GPC6: variants seen among roughly 807,000 people sequenced by gnomAD.
The protein encoded by GPC6 is glypican-6.
In GPC6, 14 loss-of-function variants were observed where a neutral mutation model predicts 55.2. The observed-to-expected ratio is 0.25, with a 90% confidence interval of 0.17 to 0.40. GPC6 has a LOEUF of 0.40. GPC6 is among the 10% of genes least tolerant of loss of function. GPC6 has a pLI of 1.00. For synonymous variants in GPC6, 278 were observed against 259.6 expected, an observed-to-expected ratio of 1.07 and a Z score of -0.68; for missense variants, 641 against 708.5, an observed-to-expected ratio of 0.90 and a Z score of 1.08.
chr13:94,327,969 T>C (rs1877211157), intron 6 of GPC6, among the ~76,000 whole-genome samples: 1 of 151,914 alleles, frequency 6.6e-6, no homozygotes, highest in African/African-American at 2.4e-5. Context: ...TCCTCCCCCT[T>C]CCCCTCCGAT....
intron 2 of GPC6, among the ~76,000 whole-genome samples, chr13:93,807,957 AT>A (rs1385444715): frequency 6.6e-6 from 1 of 152,204 alleles, no homozygotes; most frequent in Non-Finnish European, 1.5e-5. Context: ...TTAAGGAATT[AT>A]AATTTTGTTT....
chr13:94,302,921 G>T (rs1345520220), intron 5 of GPC6, among the ~76,000 whole-genome samples: 1 of 152,246 alleles, frequency 6.6e-6, no homozygotes, highest in African/African-American at 2.4e-5. Context: ...CTAGTGCTTA[G>T]CTGAATTAGG....
At chr13:93,662,444 A>G (rs1880962408) in intron 2 of GPC6, among the ~76,000 whole-genome samples, 1 of 152,170 alleles carries the variant, frequency 6.6e-6, no homozygotes, top group Non-Finnish European at 1.5e-5. Context: ...AGCCTGGCCA[A>G]CATGGTGAAA....
chr13:93,440,877 A>C (rs1877770198), intron 1 of GPC6, among the ~76,000 whole-genome samples: 2 of 125,270 alleles, frequency 1.6e-5, no homozygotes. Context: ...CCAGTGTGTG[A>C]TGTTCCCCAC....
chr13:93,808,446 C>G (rs1886601378), intron 2 of GPC6, among the ~76,000 whole-genome samples: 1 of 152,170 alleles, frequency 6.6e-6, no homozygotes, highest in South Asian at 2.1e-4. Context: ...TAACTCCTCT[C>G]TCTATATGAG....
At chr13:93,402,116 T>G (rs185680948) in intron 1 of GPC6, among the ~76,000 whole-genome samples, 1 of 152,288 alleles carries the variant, frequency 6.6e-6, no homozygotes, top group African/African-American at 2.4e-5. Flanking sequence ...TTTCTAGTGC[T>G]TAAAATCCAT....
At chr13:93,277,958 A>C (rs1877813819) in intron 1 of GPC6, among the ~76,000 whole-genome samples, 1 of 152,152 alleles carries the variant, frequency 6.6e-6, no homozygotes, top group South Asian at 2.1e-4. Flanking sequence ...TTTGAAAATA[A>C]GTGTATATTA....
intron 3 of GPC6, among the ~76,000 whole-genome samples, chr13:93,892,225 C>G (rs1875736962): frequency 6.6e-6 from 1 of 152,142 alleles, no homozygotes; most frequent in Non-Finnish European, 1.5e-5. Context: ...CTGTAAGTCA[C>G]ACTCATATTT....
chr13:93,843,743 G>A (rs1374565553), intron 3 of GPC6, among the ~76,000 whole-genome samples: 5 of 152,282 alleles, frequency 3.3e-5, no homozygotes, highest in Middle Eastern at 3.4e-3. Flanking sequence ...TCTTTAGACT[G>A]AGCTTTTTTT....
chr13:93,654,530 G>C (rs571898435), intron 2 of GPC6, among the ~76,000 whole-genome samples: 2 of 152,180 alleles, frequency 1.3e-5, no homozygotes, highest in South Asian at 4.2e-4. Flanking sequence ...GTTTCACCAT[G>C]TTGGCCAGGC....
At chr13:94,317,393 T>TTCAA (rs1566668089) in intron 6 of GPC6, among the ~76,000 whole-genome samples, 1 of 152,150 alleles carries the variant, frequency 6.6e-6, no homozygotes, top group Non-Finnish European at 1.5e-5. Context: ...GCTCCTTGAA[T>TTCAA]GCTAGAACAA....
At chr13:93,819,484 C>G (rs1215453011) in intron 2 of GPC6, among the ~76,000 whole-genome samples, 3 of 152,156 alleles carry the variant, frequency 2.0e-5, no homozygotes, top group Non-Finnish European at 4.4e-5. Context: ...CAGTTATATA[C>G]TTTAGGTGCA....
At chr13:93,927,947 C>T (rs904004091) in intron 3 of GPC6, among the ~76,000 whole-genome samples, 1 of 152,082 alleles carries the variant, frequency 6.6e-6, no homozygotes, top group African/African-American at 2.4e-5. Flanking sequence ...CCAGGTGTGT[C>T]ATAAAGTAAA....
intron 4 of GPC6, among the ~76,000 whole-genome samples, chr13:94,226,597 G>A (rs1007333750): frequency 6.6e-6 from 1 of 152,016 alleles, no homozygotes. Flanking sequence ...TCTTCATTCA[G>A]CTATTGAATT....
At chr13:94,009,610 G>A (rs1350041143) in intron 3 of GPC6, among the ~76,000 whole-genome samples, 2 of 152,074 alleles carry the variant, frequency 1.3e-5, no homozygotes, top group Admixed American at 6.6e-5. Flanking sequence ...CCTAAGATGT[G>A]GAAATTACCT....
At chr13:94,206,309 C>T (rs1391323124) in intron 4 of GPC6, among the ~76,000 whole-genome samples, 1 of 152,046 alleles carries the variant, frequency 6.6e-6, no homozygotes, top group East Asian at 1.9e-4. Context: ...CTTTCTCATT[C>T]TCTCTGTGTC....
intron 2 of GPC6, among the ~76,000 whole-genome samples, chr13:93,558,356 A>G (rs1483971501): frequency 1.3e-5 from 2 of 152,200 alleles, no homozygotes; most frequent in Non-Finnish European, 2.9e-5. Flanking sequence ...GAGCATAAAT[A>G]ACTGGAATGC....
chr13:93,740,171 T>A (rs1461826659), intron 2 of GPC6, among the ~76,000 whole-genome samples: 1 of 146,280 alleles, frequency 6.8e-6, no homozygotes, highest in Non-Finnish European at 1.5e-5. Flanking sequence ...TAGAGAATAC[T>A]ATAGCAACGG....
intron 3 of GPC6, among the ~76,000 whole-genome samples, chr13:93,848,155 CA>C (rs1409174974): frequency 1.3e-5 from 2 of 152,080 alleles, no homozygotes; most frequent in Non-Finnish European, 2.9e-5. Context: ...TGAGAGATTA[CA>C]AGTATGTCAG....
Sources: gnomAD v4.1 joint callset for allele counts (sites outside exome capture counted in the v4.1 genomes callset) on GRCh38, gnomAD v4.1.1 for gene constraint, MANE v1.5 for transcripts, NCBI Gene and HGNC (gene_info 2026-07-23, HGNC 2026-07-21) for gene names.